MTCL3: variants seen among roughly 807,000 people sequenced by gnomAD.
MTCL3 encodes MTCL family member 3.
chr6:127,506,344 C>G, the MTCL3 span, among the ~76,000 whole-genome samples: 1 of 152,222 alleles, frequency 6.6e-6, no homozygotes, highest in East Asian at 1.9e-4. Flanking sequence ...ATGATTGCCC[C>G]AGAGGCCTCA....
At chr6:127,489,565 C>A in the MTCL3 span, among the ~76,000 whole-genome samples, 3 of 152,228 alleles carry the variant, frequency 2.0e-5, no homozygotes, top group South Asian at 4.1e-4. Flanking sequence ...TTAAAAGTGC[C>A]ACTCTAGTGA....
chr6:127,498,493 G>T, the MTCL3 span, among the ~76,000 whole-genome samples: 1 of 152,172 alleles, frequency 6.6e-6, no homozygotes, highest in Non-Finnish European at 1.5e-5. Context: ...ATGTAAAATG[G>T]TGCAGCCCCT....
At chr6:127,505,283 A>G in the MTCL3 span, among the ~76,000 whole-genome samples, 2 of 152,258 alleles carry the variant, frequency 1.3e-5, no homozygotes, top group African/African-American at 2.4e-5. Flanking sequence ...CCTATCAATT[A>G]TAGACTGGAT....
At chr6:127,502,339 C>T in the MTCL3 span, among the ~76,000 whole-genome samples, 1 of 152,134 alleles carries the variant, frequency 6.6e-6, no homozygotes, top group Admixed American at 6.5e-5. Flanking sequence ...TTTAACAGGA[C>T]AAATCAACAT....
At chr6:127,516,175 G>A in the MTCL3 span, 3 of 1,435,552 alleles carry the variant, frequency 2.1e-6, no homozygotes, top group Non-Finnish European at 1.8e-6. Flanking sequence ...TAGCTCCCGA[G>A]GCGGCTCCTC....
chr6:127,493,949 G>A, the MTCL3 span, among the ~76,000 whole-genome samples: 7 of 152,262 alleles, frequency 4.6e-5, no homozygotes, highest in South Asian at 2.1e-4. Context: ...TTATCGTTAA[G>A]GAATATTAAT....
the MTCL3 span, among the ~76,000 whole-genome samples, chr6:127,495,032 C>T: frequency 4.6e-5 from 7 of 151,912 alleles, no homozygotes; most frequent in Admixed American, 4.6e-4. Flanking sequence ...CCCGTCTCTA[C>T]TAAAAATACA....
chr6:127,486,302 T>A, the MTCL3 span, among the ~76,000 whole-genome samples: 1 of 152,222 alleles, frequency 6.6e-6, no homozygotes, highest in Non-Finnish European at 1.5e-5. Context: ...TTAGGGCTGC[T>A]ACTATGTGTA....
At chr6:127,493,117 T>C in the MTCL3 span, among the ~76,000 whole-genome samples, 1 of 152,210 alleles carries the variant, frequency 6.6e-6, no homozygotes, top group African/African-American at 2.4e-5. Context: ...CCACCCTTAG[T>C]TTTAGCAAAC....
At chr6:127,500,771 A>C in the MTCL3 span, among the ~76,000 whole-genome samples, 1 of 152,226 alleles carries the variant, frequency 6.6e-6, no homozygotes, top group East Asian at 1.9e-4. Context: ...CTCACATTAA[A>C]TTAACAAAGA....
chr6:127,498,031 G>A, the MTCL3 span, among the ~76,000 whole-genome samples: 17 of 152,124 alleles, frequency 1.1e-4, no homozygotes, highest in African/African-American at 4.1e-4. Context: ...CTTCCTGTAG[G>A]TTAGGCAAAG....
At chr6:127,515,058 G>A in the MTCL3 span, 4,399 of 1,611,662 alleles carry the variant, frequency 2.7e-3, 7 homozygotes, top group Non-Finnish European at 3.4e-3. The surrounding 1 kb of genome is among the most constrained non-coding windows in gnomAD (Gnocchi z 4.3). Context: ...CTGAGGCGGT[G>A]ACAGGCCGCG....
chr6:127,508,564 C>T, the MTCL3 span, among the ~76,000 whole-genome samples: 1 of 152,064 alleles, frequency 6.6e-6, no homozygotes, highest in African/African-American at 2.4e-5. Flanking sequence ...GGAGCAAAGA[C>T]TGGGAAAAGT....
the MTCL3 span, among the ~76,000 whole-genome samples, chr6:127,501,615 A>G: frequency 6.6e-6 from 1 of 152,228 alleles, no homozygotes; most frequent in East Asian, 1.9e-4. Flanking sequence ...ACAAATTTAA[A>G]TAACTGAGCT....
At chr6:127,495,976 T>G in the MTCL3 span, among the ~76,000 whole-genome samples, 4 of 152,168 alleles carry the variant, frequency 2.6e-5, no homozygotes, top group Admixed American at 2.6e-4. Flanking sequence ...ACGCCTGTAA[T>G]CCTACCATTT....
the MTCL3 span, among the ~76,000 whole-genome samples, chr6:127,514,277 T>C: frequency 4.3e-3 from 659 of 152,234 alleles, 4 homozygotes; most frequent in Middle Eastern, 6.8e-3. Flanking sequence ...GTTTTTTTTT[T>C]CCCCCTCAGG....
At chr6:127,490,609 G>C in the MTCL3 span, among the ~76,000 whole-genome samples, 2 of 151,856 alleles carry the variant, frequency 1.3e-5, no homozygotes, top group Admixed American at 6.6e-5. Flanking sequence ...ATGAGGTCAA[G>C]AGATTGAGAC....
chr6:127,500,295 G>C, the MTCL3 span, among the ~76,000 whole-genome samples: 1 of 152,068 alleles, frequency 6.6e-6, no homozygotes, highest in Non-Finnish European at 1.5e-5. Context: ...TATATAATAA[G>C]ACATATTTTT....
chr6:127,478,465 A>G, the MTCL3 span, among the ~76,000 whole-genome samples: 2 of 152,342 alleles, frequency 1.3e-5, no homozygotes, highest in Admixed American at 6.5e-5. Context: ...AAAAGGAGAA[A>G]TGGAAATGGT....
Sources: allele counts gnomAD v4.1 joint callset (sites outside exome capture counted in the v4.1 genomes callset), GRCh38; gene constraint gnomAD v4.1.1; non-coding constraint Gnocchi (gnomAD v3.1); transcripts MANE v1.5; gene names NCBI Gene and HGNC (gene_info 2026-07-23, HGNC 2026-07-21).